The following ZFAND6 variants were observed in gnomAD, a reference collection of about 807,000 sequenced individuals.
The protein encoded by ZFAND6 is zinc finger AN1-type containing 6.
In ZFAND6, 12 loss-of-function variants were observed where a neutral mutation model predicts 24.5. That is an observed-to-expected ratio of 0.49 (90% CI 0.31 to 0.79). The LOEUF is 0.79. Ranked by LOEUF, ZFAND6 falls within the 30% of genes least tolerant of loss-of-function variation. The probability of loss-of-function intolerance (pLI) is 0.04; values close to 1 mark genes in which losing one functional copy is unlikely to be tolerated. For synonymous variants in ZFAND6, 92 were observed against 81.5 expected, an observed-to-expected ratio of 1.13 and a Z score of -0.69; for missense variants, 207 against 245.9, an observed-to-expected ratio of 0.84 and a Z score of 1.06.
intron 1 of ZFAND6, among the ~76,000 whole-genome samples, chr15:80,064,444 C>T (rs1205180759): frequency 2.0e-5 from 3 of 151,834 alleles, no homozygotes; most frequent in Non-Finnish European, 4.4e-5. Flanking sequence ...GTAAATAAAC[C>T]TGGATATTGG....
intron 1 of ZFAND6, among the ~76,000 whole-genome samples, chr15:80,093,141 G>T (rs2038490611): frequency 1.3e-5 from 2 of 151,512 alleles, no homozygotes; most frequent in African/African-American, 4.8e-5. Flanking sequence ...GTGTGTGTGT[G>T]TTTTTAGTAG....
At position 80,125,750 on chromosome 15, in the gene ZFAND6, C is replaced by G. The variant is rs1426237295; in HGVS notation, c.364+2950C>G. ...GAAGAATATGCTTAAATTTGGTCAA[C>G]CTCTTAGTCCCTCAGATCTTGGGTC... On this transcript the variant is annotated intron_variant, in intron 5 of 6. Coordinates refer to ENST00000261749, the MANE Select transcript of ZFAND6 (RefSeq NM_019006.4). Among the ~76,000 whole-genome samples, 2 of 152,178 alleles carry G rather than the reference C, an allele frequency of 1.3e-5. 1 individual carries two copies. The highest frequency in any genetic ancestry group is 1.3e-4 in the Admixed American group (2 of 15,276).
chr15:80,126,524 A>G (rs2040376351), intron 5 of ZFAND6, among the ~76,000 whole-genome samples: 1 of 152,234 alleles, frequency 6.6e-6, no homozygotes, highest in South Asian at 2.1e-4. Flanking sequence ...CAATGGTGCC[A>G]AAATCATTTG....
intron 2 of ZFAND6, among the ~76,000 whole-genome samples, chr15:80,101,800 T>G (rs1318545292): frequency 6.7e-6 from 1 of 150,238 alleles, no homozygotes; most frequent in Non-Finnish European, 1.5e-5. Context: ...TGTTTTTTTT[T>G]TTTTTTTTTT....
chr15:80,067,691 A>G (rs1235401487), intron 1 of ZFAND6, among the ~76,000 whole-genome samples: 2 of 152,134 alleles, frequency 1.3e-5, no homozygotes, highest in East Asian at 3.8e-4. Flanking sequence ...ATTGTGTTGG[A>G]CAGCAGAGAG....
At chr15:80,117,493 A>G (rs2039933355) in intron 2 of ZFAND6, among the ~76,000 whole-genome samples, 1 of 152,194 alleles carries the variant, frequency 6.6e-6, no homozygotes, top group African/African-American at 2.4e-5. Flanking sequence ...AAGTGCTGGG[A>G]TTACAGGCAT....
At chr15:80,136,709 G>A (rs1183183676) in intron 6 of ZFAND6, among the ~76,000 whole-genome samples, 1 of 152,130 alleles carries the variant, frequency 6.6e-6, no homozygotes, top group African/African-American at 2.4e-5. Flanking sequence ...TCTAACAATT[G>A]TATCATACCA....
chr15:80,099,933 A>G (rs1188939626), intron 2 of ZFAND6, among the ~76,000 whole-genome samples: 2 of 152,182 alleles, frequency 1.3e-5, no homozygotes, highest in Non-Finnish European at 2.9e-5. Context: ...GGATATTCAT[A>G]ATGAAAGTGG....
At chr15:80,133,756 T>C (rs74468996) in intron 6 of ZFAND6, among the ~76,000 whole-genome samples, 1,625 of 152,288 alleles carry the variant, frequency 0.011, 27 homozygotes, top group African/African-American at 0.033. Context: ...TCGTCTAACT[T>C]TACTGTTTTG....
chr15:80,075,330 T>C (rs1596198192), intron 1 of ZFAND6: 1 of 241,828 alleles, frequency 4.1e-6, no homozygotes, highest in South Asian at 4.0e-5. Flanking sequence ...TTGTAAATAC[T>C]GTAGTGAAAG....
rs1426245452 is a variant in ZFAND6 at position 80,119,042 on chromosome 15, C to T, written c.-17-1286C>T. Among the ~76,000 whole-genome samples the T allele has an allele frequency of 3.9e-5, 6 of 152,190 alleles. No individual in the cohort carries two copies. The South Asian group carries it at 6.2e-4, about 16-fold the overall frequency. Reference sequence around the variant, plus strand: ...ATCTGTAATACATATACACCCATTTCGGAGTAACCTTCACTTAGGAGATTG... The same window carrying T: ...ATCTGTAATACATATACACCCATTTTGGAGTAACCTTCACTTAGGAGATTG... On this transcript the variant is annotated intron_variant, in intron 2 of 6. Transcript: ENST00000261749.
chr15:80,064,571 T>C (rs2036508750), intron 1 of ZFAND6, among the ~76,000 whole-genome samples: 2 of 150,510 alleles, frequency 1.3e-5, no homozygotes, highest in South Asian at 2.1e-4. Context: ...ACTGCAAATA[T>C]ACATATACAC....
chr15:80,132,811 T>G (rs1400164061), intron 6 of ZFAND6, among the ~76,000 whole-genome samples: 1 of 152,126 alleles, frequency 6.6e-6, no homozygotes, highest in South Asian at 2.1e-4. Context: ...AAGTCTGACA[T>G]TACAAGAAAA....
At position 80,097,178 on chromosome 15, in the gene ZFAND6, T is replaced by C. The variant is rs183517986; in HGVS notation, c.-180-1238T>C. Among the ~76,000 whole-genome samples the C allele has an allele frequency of 4.8e-3, 722 of 151,912 alleles. 6 individuals carry two copies. The highest frequency in any genetic ancestry group is 0.016 in the African/African-American group (670 of 41,444). ...CCATGCCCTGCTAATTTTTGTGTTATTTGTAGAGACGGGGTTTCACCATGT... is the reference window on the plus strand; with the variant it reads ...CCATGCCCTGCTAATTTTTGTGTTACTTGTAGAGACGGGGTTTCACCATGT... On this transcript the variant is annotated intron_variant, in intron 1 of 6. Coordinates refer to ENST00000261749, the MANE Select transcript of ZFAND6 (RefSeq NM_019006.4).
intron 1 of ZFAND6, among the ~76,000 whole-genome samples, chr15:80,073,673 ATTGT>A (rs2037105590): frequency 6.6e-6 from 1 of 151,918 alleles, no homozygotes; most frequent in Non-Finnish European, 1.5e-5. Context: ...CCAGCAGATC[ATTGT>A]TTGGTCATCT....
At chr15:80,101,290 C>T (rs1308324661) in intron 2 of ZFAND6, among the ~76,000 whole-genome samples, 11 of 151,972 alleles carry the variant, frequency 7.2e-5, no homozygotes, top group Admixed American at 6.6e-4. Context: ...ATGAAACCTC[C>T]GTCTCTACTA....
intron 5 of ZFAND6, chr15:80,123,119 A>G (rs1202942056): frequency 5.9e-6 from 1 of 169,972 alleles, no homozygotes; most frequent in Non-Finnish European, 1.2e-5. Context: ...CTACTCTGTA[A>G]GAAAACTGGG....
chr15:80,097,450 C>T (rs7183963), intron 1 of ZFAND6, among the ~76,000 whole-genome samples: 11,676 of 151,980 alleles, frequency 0.077, 513 homozygotes, highest in East Asian at 0.19. Context: ...GAATTTGAGA[C>T]CAGCCCTGCC....
At chr15:80,101,476 G>GA (rs1233698100) in intron 2 of ZFAND6, among the ~76,000 whole-genome samples, 1 of 151,848 alleles carries the variant, frequency 6.6e-6, no homozygotes, top group Non-Finnish European at 1.5e-5. Context: ...GAAAAAAAAA[G>GA]AAAAAATCTT....
Sources: gnomAD v4.1 joint callset for allele counts (sites outside exome capture counted in the v4.1 genomes callset) on GRCh38, gnomAD v4.1.1 for gene constraint, MANE v1.5 for transcripts, NCBI Gene and HGNC (gene_info 2026-07-23, HGNC 2026-07-21) for gene names.